Variants in DPP6 observed in about 807,000 individuals in gnomAD.
DPP6 encodes A-type potassium channel modulatory protein DPP6.
In DPP6, 69 loss-of-function variants were observed where a neutral mutation model predicts 122.6. That is an observed-to-expected ratio of 0.56 (90% CI 0.46 to 0.69). The LOEUF is 0.69. DPP6 is among the 30% of genes least tolerant of loss of function. The pLI, the probability that DPP6 is intolerant of heterozygous loss-of-function variation, is 0.00. For missense variants in DPP6, 928 were observed against 1,116.9 expected, an observed-to-expected ratio of 0.83 and a Z score of 2.41; for synonymous variants, 418 against 433.1, an observed-to-expected ratio of 0.97 and a Z score of 0.43.
At chr7:154,012,437 C>T (rs1263521329) in intron 1 of DPP6, among the ~76,000 whole-genome samples, 1 of 151,994 alleles carries the variant, frequency 6.6e-6, no homozygotes, top group Non-Finnish European at 1.5e-5. Context: ...ACACCAAATG[C>T]ACAAAGAACA....
intron 3 of DPP6, among the ~76,000 whole-genome samples, chr7:154,487,297 T>C (rs998328544): frequency 2.7e-4 from 41 of 152,194 alleles, no homozygotes; most frequent in African/African-American, 9.7e-4. Context: ...CAGGTCATTA[T>C]ACGGTTGTTT....
At chr7:153,940,053 A>T (rs184197756) in intron 1 of DPP6, among the ~76,000 whole-genome samples, 3 of 152,220 alleles carry the variant, frequency 2.0e-5, no homozygotes, top group Admixed American at 6.5e-5. Context: ...CCTTCTCACA[A>T]GTAAAATCAT....
chr7:153,842,044 A>G, the DPP6 span, among the ~76,000 whole-genome samples: 1 of 152,350 alleles, frequency 6.6e-6, no homozygotes, highest in Admixed American at 6.5e-5. Context: ...CTAAGATGGA[A>G]GGAGTTATTG....
chr7:154,686,597 G>A (rs1039128474), intron 7 of DPP6, among the ~76,000 whole-genome samples: 1 of 152,128 alleles, frequency 6.6e-6, no homozygotes, highest in South Asian at 2.1e-4. Flanking sequence ...GAGCCCCAGG[G>A]CAGACACTGA....
intron 1 of DPP6, among the ~76,000 whole-genome samples, chr7:153,906,173 C>T (rs1465001189): frequency 6.6e-6 from 1 of 152,178 alleles, no homozygotes; most frequent in African/African-American, 2.4e-5. Flanking sequence ...AAAGCTAGTG[C>T]TTAAGAGCTA....
intron 1 of DPP6, among the ~76,000 whole-genome samples, chr7:154,060,722 G>GA (rs1801690252): frequency 6.9e-6 from 1 of 145,276 alleles, no homozygotes; most frequent in African/African-American, 2.6e-5. Flanking sequence ...CGCAGGGGGG[G>GA]AGGCACCCCC....
chr7:153,918,992 A>AG (rs1204885590), intron 1 of DPP6, among the ~76,000 whole-genome samples: 1 of 151,546 alleles, frequency 6.6e-6, no homozygotes, highest in African/African-American at 2.4e-5. Flanking sequence ...AAAAAAAAAA[A>AG]AAAAAGAAAA....
At chr7:154,859,179 A>G (rs1563291050) in intron 17 of DPP6, among the ~76,000 whole-genome samples, 1 of 152,234 alleles carries the variant, frequency 6.6e-6, no homozygotes, top group Non-Finnish European at 1.5e-5. Flanking sequence ...CCCCTGGTTT[A>G]GATCAGCCCT....
chr7:154,268,018 G>A lies in DPP6; in HGVS notation c.244-178196G>A, dbSNP rs537456801. Among the ~76,000 whole-genome samples the A allele has an allele frequency of 1.1e-4, 17 of 151,806 alleles. 2 individuals are homozygous for A. Among genetic ancestry groups the A allele is most frequent in the African/African-American group, 2.9e-4 (12 of 41,312 alleles). On this transcript the variant is annotated intron_variant, in intron 1 of 25. Coordinates refer to ENST00000377770, the MANE Select transcript of DPP6 (RefSeq NM_130797.4). Reference sequence around the variant, plus strand: ...GTGCATGTATATATTTATCCCTTACGAACAAAAGCTCTTTGGGGTCCTCAA... The same window carrying A: ...GTGCATGTATATATTTATCCCTTACAAACAAAAGCTCTTTGGGGTCCTCAA...
chr7:154,437,377 C>T (rs1287411057), intron 1 of DPP6, among the ~76,000 whole-genome samples: 2 of 152,118 alleles, frequency 1.3e-5, no homozygotes, highest in East Asian at 3.9e-4. Context: ...AGGAAGAGCC[C>T]ATCCTCTTTG....
chr7:154,055,352 A>G (rs888758291), intron 1 of DPP6, among the ~76,000 whole-genome samples: 4 of 138,080 alleles, frequency 2.9e-5, no homozygotes, highest in African/African-American at 5.4e-5. Context: ...GTTCCTCAGA[A>G]TAGGAAAAGT....
chr7:154,801,361 G>A lies in DPP6; in HGVS notation c.1306G>A (p.Glu436Lys). 1 of 1,585,582 alleles carries A rather than the reference G, an allele frequency of 6.3e-7. No individual in the cohort carries two copies. Among genetic ancestry groups the A allele is most frequent in the Non-Finnish European group, 8.6e-7 (1 of 1,164,418 alleles). The stretch of plus-strand genomic sequence containing the variant: ...CCGTGGCCTTTGTCCACAGAATGAA[G>A]AACCTGTGTTCTCCAAGGATGGCCG... ...SEAWLHRQNEEPVFSKDGRKF... is the reference protein window; with the variant it reads ...SEAWLHRQNEKPVFSKDGRKF... Residue 436 changes from glutamate (E) to lysine (K), a missense_variant, in exon 13 of 26, where the codon GAA becomes AAA. Coordinates refer to ENST00000377770, the MANE Select transcript of DPP6 (RefSeq NM_130797.4).
intron 8 of DPP6, among the ~76,000 whole-genome samples, chr7:154,758,641 A>G (rs1795310680): frequency 6.6e-6 from 1 of 152,130 alleles, no homozygotes; most frequent in South Asian, 2.1e-4. Flanking sequence ...CAAAGTGCTG[A>G]GATTACAGGT....
chr7:154,576,443 A>G (rs1831678792), intron 5 of DPP6, among the ~76,000 whole-genome samples: 1 of 152,196 alleles, frequency 6.6e-6, no homozygotes, highest in Non-Finnish European at 1.5e-5. Flanking sequence ...TAGAACATTC[A>G]GACCTATAGG....
intron 3 of DPP6, among the ~76,000 whole-genome samples, chr7:154,526,736 T>C (rs1827435465): frequency 6.6e-6 from 1 of 152,200 alleles, no homozygotes; most frequent in South Asian, 2.1e-4. Context: ...ATTCTTCTTA[T>C]AACTTGCCAT....
At chr7:154,263,932 C>A (rs1803200760) in intron 1 of DPP6, among the ~76,000 whole-genome samples, 1 of 152,090 alleles carries the variant, frequency 6.6e-6, no homozygotes, top group Non-Finnish European at 1.5e-5. Flanking sequence ...CTCAGGTAAT[C>A]CACCTGCCTC....
At chr7:154,394,694 T>C (rs1814932174) in intron 1 of DPP6, among the ~76,000 whole-genome samples, 1 of 152,174 alleles carries the variant, frequency 6.6e-6, no homozygotes, top group African/African-American at 2.4e-5. Flanking sequence ...TTTTGCCCTG[T>C]CTTTTCTTTT....
intron 3 of DPP6, among the ~76,000 whole-genome samples, chr7:154,499,381 A>G (rs1825029624): frequency 6.6e-6 from 1 of 152,112 alleles, no homozygotes; most frequent in Non-Finnish European, 1.5e-5. Context: ...ATTCCCAAAG[A>G]AACTGGGCTC....
At position 154,143,698 on chromosome 7, in the gene DPP6, C is replaced by T. The variant is rs1320042707; in HGVS notation, c.243+90635C>T. On this transcript the variant is annotated intron_variant, in intron 1 of 25. Transcript: ENST00000377770. Reference sequence around the variant, plus strand: ...AAAATGGTGTGACTTTATTCTGTAACCTGCTGCTTTGCATAGAAATAAATG... The same window carrying T: ...AAAATGGTGTGACTTTATTCTGTAATCTGCTGCTTTGCATAGAAATAAATG... 2.6e-5 allele frequency among the ~76,000 whole-genome samples: 4 copies of T among 151,636 alleles called. No individual in the cohort carries two copies. In the East Asian group the frequency reaches 5.8e-4, roughly 22 times the overall value.
Sources: gnomAD v4.1 joint callset for allele counts (sites outside exome capture counted in the v4.1 genomes callset) on GRCh38, gnomAD v4.1.1 for gene constraint, MANE v1.5 for transcripts, NCBI Gene and HGNC (gene_info 2026-07-23, HGNC 2026-07-21) for gene names.